Variants in GNAS observed in about 807,000 individuals in gnomAD.
The protein encoded by GNAS is GNAS complex locus.
A neutral mutation model predicts 54.5 loss-of-function variants in GNAS; 8 were observed. That is an observed-to-expected ratio of 0.15 (90% CI 0.09 to 0.26). The LOEUF (loss-of-function observed/expected upper bound fraction) is 0.26. GNAS is among the 10% of genes least tolerant of loss of function. GNAS has a pLI of 1.00. For missense variants in GNAS, 170 were observed against 529.8 expected (o/e 0.32, Z 6.67); for synonymous variants, 204 against 191.4 (o/e 1.07, Z -0.54).
rs536196901 is a variant in GNAS at position 58,909,892 on chromosome 20, C to T, written c.840-59C>T. Reference sequence around the variant, plus strand: ...AGAGAAGAACCCCGTGCAAGCATTCCAGACCCCTGGCCGAAAGCGCGCTTC... The same window carrying T: ...AGAGAAGAACCCCGTGCAAGCATTCTAGACCCCTGGCCGAAAGCGCGCTTC... On this transcript the variant is annotated intron_variant, in intron 10 of 12. Transcript: ENST00000371085. This position sits in a 1 kb window ranked among gnomAD's most constrained non-coding sequence, Gnocchi z 7.3. 631 of 1,613,224 alleles carry T rather than the reference C, an allele frequency of 3.9e-4. 2 individuals are homozygous for T. The African/African-American group carries it at 7.4e-3, about 19-fold the overall frequency.
chr20:58,903,219 A>G, intron 3 of GNAS: 1 of 463,064 alleles, frequency 2.2e-6, no homozygotes, highest in Non-Finnish European at 4.0e-6. Context: ...GCCTTTAGGA[A>G]GTGTTAGTAT....
intron 1 of GNAS, chr20:58,855,912 G>A: frequency 2.1e-6 from 1 of 479,772 alleles, no homozygotes; most frequent in South Asian, 3.3e-5. Context: ...GGAACGGGCT[G>A]TGTTGTGGTT....
At chr20:58,855,766 G>C (rs1600722640) in intron 1 of GNAS, 1 of 617,522 alleles carries the variant, frequency 1.6e-6, no homozygotes, top group East Asian at 2.7e-5. Flanking sequence ...TGGCACGGCT[G>C]CTTGGACTCA....
rs2085720583 is a variant in GNAS, at chr20:58,841,406, A to T, written c.43+520A>T. 1 of 1,004,076 alleles carries T rather than the reference A, an allele frequency of 1.0e-6. No individual in the cohort carries two copies. Among genetic ancestry groups the T allele is most frequent in the African/African-American group, 1.7e-5 (1 of 57,532 alleles). 62.2% of individuals were successfully genotyped at this position (1,004,076 alleles called of 1,614,324 possible). On this transcript the variant is annotated intron_variant, in intron 1 of 12. Transcript: ENST00000306090. The surrounding 1 kb of genome is among the most constrained non-coding windows in gnomAD (Gnocchi z 5.0). ...AGTAATCTGAATGGGAATGGGCGAGAACTCTAGAGACTGACCACCCGGGAG... is the reference window on the plus strand; with the variant it reads ...AGTAATCTGAATGGGAATGGGCGAGTACTCTAGAGACTGACCACCCGGGAG...
chr20:58,842,309 T>A, intron 1 of GNAS: 1 of 397,958 alleles, frequency 2.5e-6, no homozygotes, highest in Non-Finnish European at 4.4e-6. Context: ...TGTCTCATTT[T>A]GCGCCGGCTT....
chr20:58,869,319 C>T (rs1040245748), intron 1 of GNAS, among the ~76,000 whole-genome samples: 48 of 152,266 alleles, frequency 3.2e-4, no homozygotes, highest in African/African-American at 1.0e-3. Flanking sequence ...ACCCCCTATC[C>T]AACACAAATT....
Position 58,910,548 on chromosome 20 carries a change from C to A in GNAS, c.1039-135C>A. On this transcript the variant is annotated intron_variant, in intron 12 of 12. Coordinates refer to ENST00000371085, the MANE Select transcript of GNAS (RefSeq NM_000516.7). This position sits in a 1 kb window ranked among gnomAD's most constrained non-coding sequence, Gnocchi z 5.8. ...ATCCAGTGTGGATTTGAGCTCTTTG[C>A]GCCCCTCTTTTTGCTTTTGTTTTCA... The A allele has an allele frequency of 1.7e-6, 2 of 1,208,606 alleles. No homozygotes were observed. Among genetic ancestry groups the A allele is most frequent in the Non-Finnish European group, 2.4e-6 (2 of 823,794 alleles). The allele number at this position is 1,208,606 out of a possible 1,614,324, so 74.9% of individuals were successfully genotyped here. A position where few individuals can be genotyped will look rare whatever the true frequency, so the allele number is the denominator to read the frequency against.
At chr20:58,887,638 G>C (rs1422347780), upstream of GNAS, among the ~76,000 whole-genome samples, 1 of 152,174 alleles carries the variant, frequency 6.6e-6, no homozygotes, top group African/African-American at 2.4e-5. Flanking sequence ...GTGTATTTTT[G>C]TGTGGAAGAG....
chr20:58,869,720 A>G (rs760807084), intron 1 of GNAS, among the ~76,000 whole-genome samples: 58 of 152,200 alleles, frequency 3.8e-4, no homozygotes, highest in Non-Finnish European at 6.8e-4. Flanking sequence ...CCTCAGGGCT[A>G]GTTTTAAGTT....
At position 58,863,183 on chromosome 20, in the gene GNAS, C is replaced by T. The variant is rs376212449; in HGVS notation, c.43+22297C>T. Among the ~76,000 whole-genome samples the T allele has an allele frequency of 4.6e-5, 7 of 152,110 alleles. No individual in the cohort carries two copies. Among genetic ancestry groups the T allele is most frequent in the South Asian group, 2.1e-4 (1 of 4,822 alleles). ...ACCTTTCAAGTTAGAATCAGTGGAG[C>T]GCTTTTCTACATGCAACAACTGGGA... On this transcript the variant is annotated intron_variant, in intron 1 of 12. Coordinates refer to the GNAS transcript ENST00000306090. This position sits in a 1 kb window ranked among gnomAD's most constrained non-coding sequence, Gnocchi z 4.1.
At chr20:58,891,179 G>C (rs1313554937), upstream of GNAS, 1 of 148,966 alleles carries the variant, frequency 6.7e-6, no homozygotes, top group Non-Finnish European at 1.5e-5. Flanking sequence ...GGGCGCGGGC[G>C]GAGGGACCCC....
At chr20:58,889,306 G>A, upstream of GNAS, 1 of 990,034 alleles carries the variant, frequency 1.0e-6, no homozygotes, top group Non-Finnish European at 1.2e-6. Context: ...GGGCGGCGGC[G>A]GGCGGCCGGC....
intron 1 of GNAS, among the ~76,000 whole-genome samples, chr20:58,862,962 G>GGAAAA (rs764397592): frequency 2.4e-5 from 2 of 82,314 alleles, no homozygotes; most frequent in African/African-American, 1.0e-4. Context: ...TATTACACAT[G>GGAAAA]AAAAAAAAAA....
intron 1 of GNAS, among the ~76,000 whole-genome samples, chr20:58,866,656 T>C (rs2087086776): frequency 6.6e-6 from 1 of 152,206 alleles, no homozygotes; most frequent in South Asian, 2.1e-4. Context: ...GGTCTTTCTA[T>C]AGAGTTTTCA....
At chr20:58,852,742 G>C (rs905993516) in intron 1 of GNAS, 1 of 213,546 alleles carries the variant, frequency 4.7e-6, no homozygotes, top group African/African-American at 2.3e-5. Flanking sequence ...AGGGAGAGGA[G>C]TGGAAGGAGC....
intron 1 of GNAS, among the ~76,000 whole-genome samples, chr20:58,866,798 G>C (rs550740108): frequency 6.7e-6 from 1 of 150,374 alleles, no homozygotes; most frequent in Non-Finnish European, 1.5e-5. Context: ...TTTTCCCTAG[G>C]GAGTTTCAAA....
At position 58,903,767 on chromosome 20, in the gene GNAS, C is replaced by G; in HGVS notation, c.408C>G (p.Asn136Lys). The G allele has an allele frequency of 6.2e-7, 1 of 1,613,902 alleles. No individual in the cohort carries two copies. Residue 136 changes from asparagine (N) to lysine (K), a missense_variant, in exon 5 of 13, where the codon AAC (asparagine) becomes AAG (lysine). Around this residue, in one of 3 missense-constraint regions of GNAS, gnomAD observed 78 missense variants for 251.1 expected, o/e 0.31. Transcript: ENST00000371085. The part of the protein sequence containing the change: ...FRVDYILSVM[N>K]VPDFDFPPEF... ...TGGACTACATCCTGAGTGTGATGAA[C>G]GTGCCTGACTTTGACTTCCCTCCCG... is the stretch of plus-strand genomic sequence containing the variant.
At position 58,863,081 on chromosome 20, in the gene GNAS, GAAC is replaced by G. The variant is rs2086864612; in HGVS notation, c.43+22200_43+22202del. 6.6e-6 allele frequency among the ~76,000 whole-genome samples: 1 copy of G among 152,080 alleles called. No individual in the cohort carries two copies. The highest frequency in any genetic ancestry group is 2.4e-5 in the African/African-American group (1 of 41,402). On this transcript the variant is annotated intron_variant, in intron 1 of 12. Transcript: ENST00000306090. This position sits in a 1 kb window ranked among gnomAD's most constrained non-coding sequence, Gnocchi z 4.1. ...AAGAGACCTCCAAGAAAGAGGTAGG[GAAC>G]AACACAACAAAACAATGTTTGACTT...
chr20:58,868,452 C>CTT lies in GNAS; in HGVS notation c.44-27148_44-27147dup, dbSNP rs560938923. ...TACAGGCGTGAACCACCGCAGCCAGCTTTTTTTTTTTTTCTGGCCCTGCAA... is the reference window on the plus strand; with the variant it reads ...TACAGGCGTGAACCACCGCAGCCAGCTTTTTTTTTTTTTTTCTGGCCCTGCAA... On this transcript the variant is annotated intron_variant, in intron 1 of 12. Coordinates refer to the GNAS transcript ENST00000306090. Among the ~76,000 whole-genome samples, 1,034 of 145,276 alleles carry CTT rather than the reference C, an allele frequency of 7.1e-3. 10 individuals are homozygous for CTT. The highest frequency in any genetic ancestry group is 0.025 in the African/African-American group (982 of 39,944).
Sources: gnomAD v4.1 joint callset for allele counts (sites outside exome capture counted in the v4.1 genomes callset) on GRCh38, gnomAD v4.1.1 for gene constraint, gnomAD v4.1.1 regional missense constraint, Gnocchi (gnomAD v3.1) non-coding constraint, MANE v1.5 for transcripts, NCBI Gene and HGNC (gene_info 2026-07-23, HGNC 2026-07-21) for gene names.